Variants in NEGR1 observed in about 807,000 individuals in gnomAD.
NEGR1 encodes the protein IgLON family member 4.
NEGR1 carries 10 observed loss-of-function variants against 40.9 expected under a neutral mutation model. The observed-to-expected ratio is 0.24, with a 90% CI of 0.15 to 0.42. NEGR1 has a LOEUF of 0.42. NEGR1 is among the 10% of genes least tolerant of loss of function. The pLI is 1.00. For missense variants in NEGR1, 352 were observed against 438.9 expected (o/e 0.80, Z 1.77); for synonymous variants, 185 against 166.8 (o/e 1.11, Z -0.84).
At chr1:72,042,646 G>C (rs1444893776) in intron 1 of NEGR1, among the ~76,000 whole-genome samples, 2 of 151,904 alleles carry the variant, frequency 1.3e-5, no homozygotes, top group Non-Finnish European at 2.9e-5. Context: ...AGGAAATAGA[G>C]AAACGCAAGT....
chr1:71,668,919 T>C (rs1652326917), intron 4 of NEGR1, among the ~76,000 whole-genome samples: 1 of 152,138 alleles, frequency 6.6e-6, no homozygotes, highest in South Asian at 2.1e-4. Flanking sequence ...GACTGTGTTG[T>C]TTTATATAAT....
intron 6 of NEGR1, among the ~76,000 whole-genome samples, chr1:71,455,417 G>A (rs556353713): frequency 9.2e-5 from 14 of 152,240 alleles, no homozygotes; most frequent in South Asian, 8.3e-4. Flanking sequence ...TTAAGCAAAG[G>A]TGGCACTTGA....
intron 1 of NEGR1, among the ~76,000 whole-genome samples, chr1:72,155,902 A>G (rs1038231974): frequency 2.6e-5 from 4 of 152,140 alleles, no homozygotes; most frequent in Non-Finnish European, 4.4e-5. Flanking sequence ...ATTGACAGGA[A>G]ATATGGAGAA....
chr1:72,177,067 T>C (rs1238416352), intron 1 of NEGR1, among the ~76,000 whole-genome samples: 1 of 152,114 alleles, frequency 6.6e-6, no homozygotes, highest in Admixed American at 6.6e-5. Flanking sequence ...ATCTTCACAA[T>C]AGTGAAAATC....
chr1:71,595,956 G>A (rs988723127), intron 5 of NEGR1, among the ~76,000 whole-genome samples: 1 of 149,144 alleles, frequency 6.7e-6, no homozygotes, highest in Non-Finnish European at 1.5e-5. Context: ...CTTTATTTCT[G>A]TAAAAAGAAT....
At chr1:72,219,779 T>C (rs1653949969) in intron 1 of NEGR1, among the ~76,000 whole-genome samples, 1 of 152,134 alleles carries the variant, frequency 6.6e-6, no homozygotes. Context: ...TGCATGGACA[T>C]AACTATCTTC....
chr1:71,766,289 C>G (rs1279126703), intron 3 of NEGR1, among the ~76,000 whole-genome samples: 1 of 151,666 alleles, frequency 6.6e-6, no homozygotes, highest in East Asian at 1.9e-4. Flanking sequence ...AAAATAAGGA[C>G]CTGACAAATA....
At chr1:71,658,094 T>C (rs1408414604) in intron 4 of NEGR1, among the ~76,000 whole-genome samples, 15 of 152,220 alleles carry the variant, frequency 9.9e-5, no homozygotes, top group Admixed American at 9.8e-4. Flanking sequence ...TCTTGCTCTA[T>C]GCATTCAAAA....
intron 2 of NEGR1, among the ~76,000 whole-genome samples, chr1:71,890,300 A>G (rs925969013): frequency 3.9e-5 from 1 of 25,616 alleles, no homozygotes; most frequent in African/African-American, 1.8e-4. Flanking sequence ...AAGACCCATC[A>G]GTGTGCTGTA....
chr1:72,225,589 T>C (rs1654166347), intron 1 of NEGR1, among the ~76,000 whole-genome samples: 1 of 151,464 alleles, frequency 6.6e-6, no homozygotes, highest in Non-Finnish European at 1.5e-5. Context: ...AAAATATATA[T>C]TTAAATAACT....
intron 4 of NEGR1, among the ~76,000 whole-genome samples, chr1:71,645,238 T>C (rs1280090170): frequency 6.6e-6 from 1 of 152,042 alleles, no homozygotes; most frequent in African/African-American, 2.4e-5. Context: ...TTTTGAATAA[T>C]GCAAGCACTT....
chr1:72,067,279 C>T (rs987452044), intron 1 of NEGR1, among the ~76,000 whole-genome samples: 2 of 152,038 alleles, frequency 1.3e-5, no homozygotes, highest in African/African-American at 4.8e-5. Context: ...GTAACAGTGT[C>T]TGTATATGTT....
rs542377218 is a variant in NEGR1, at chr1:72,055,504, C to A, written c.177-120193G>T. Among the ~76,000 whole-genome samples the A allele has an allele frequency of 1.3e-4, 19 of 151,042 alleles. No individual in the cohort carries two copies. The South Asian group carries it at 3.7e-3, about 30-fold the overall frequency. ...AGATAAAGTGTAATTGTTTTAACTT[C>A]ATTAACAAGATAATGGGAAATGAAA... is the stretch of plus-strand genomic sequence containing the variant. On this transcript the variant is annotated intron_variant, in intron 1 of 6. Transcript: ENST00000357731.
intron 2 of NEGR1, among the ~76,000 whole-genome samples, chr1:71,848,942 T>C (rs917762703): frequency 2.2e-4 from 34 of 151,956 alleles, no homozygotes; most frequent in Non-Finnish European, 1.0e-4. Context: ...ATACAAAAAT[T>C]AGCCGGGTGT....
chr1:71,725,976 C>T (rs1654661199), intron 3 of NEGR1, among the ~76,000 whole-genome samples: 3 of 152,032 alleles, frequency 2.0e-5, no homozygotes, highest in Non-Finnish European at 4.4e-5. Flanking sequence ...ACAAAAATGC[C>T]ATCCTCAACA....
intron 6 of NEGR1, among the ~76,000 whole-genome samples, chr1:71,580,849 G>A (rs181461724): frequency 8.5e-5 from 13 of 152,088 alleles, no homozygotes; most frequent in Non-Finnish European, 1.9e-4. Flanking sequence ...GGTTACATGG[G>A]GAGAAATTGT....
chr1:71,678,331 C>G (rs1035466571), intron 4 of NEGR1, among the ~76,000 whole-genome samples: 5 of 152,100 alleles, frequency 3.3e-5, no homozygotes, highest in African/African-American at 1.2e-4. Flanking sequence ...AATAGCTTTT[C>G]TCTTTACTAC....
chr1:71,671,534 A>C (rs994886192), intron 4 of NEGR1, among the ~76,000 whole-genome samples: 1 of 152,198 alleles, frequency 6.6e-6, no homozygotes. Context: ...GGAAAAAACT[A>C]TTTTAGGGTA....
At chr1:72,007,131 A>G (rs1288448846) in intron 1 of NEGR1, among the ~76,000 whole-genome samples, 1 of 152,014 alleles carries the variant, frequency 6.6e-6, no homozygotes, top group Non-Finnish European at 1.5e-5. Flanking sequence ...TGTTTTTTCA[A>G]AAAAAGGAGG....
Sources: allele counts gnomAD v4.1 joint callset (sites outside exome capture counted in the v4.1 genomes callset), GRCh38; gene constraint gnomAD v4.1.1; transcripts MANE v1.5; gene names NCBI Gene and HGNC (gene_info 2026-07-23, HGNC 2026-07-21).